The following LSAMP variants were observed in gnomAD, a reference collection of about 807,000 sequenced individuals.
The protein encoded by LSAMP is limbic system associated membrane protein.
In LSAMP, 7 loss-of-function variants were observed where a neutral mutation model predicts 38.6. The ratio of observed to expected loss-of-function variants is 0.18; its 90% CI spans 0.10 to 0.34. LSAMP has a LOEUF of 0.34. LSAMP is among the 10% of genes least tolerant of loss of function. LSAMP has a pLI of 1.00. For missense variants in LSAMP, 313 were observed against 420.0 expected (o/e 0.75, Z 2.23); for synonymous variants, 154 against 166.8 (o/e 0.92, Z 0.59).
chr3:116,229,429 A>C (rs1178837938), intron 1 of LSAMP, among the ~76,000 whole-genome samples: 1 of 152,170 alleles, frequency 6.6e-6, no homozygotes, highest in Admixed American at 6.5e-5. Context: ...GAATAGATAC[A>C]GGCAATTGCC....
chr3:115,859,335 G>C (rs932698629), intron 3 of LSAMP, among the ~76,000 whole-genome samples: 1 of 152,086 alleles, frequency 6.6e-6, no homozygotes, highest in Non-Finnish European at 1.5e-5. Flanking sequence ...GGAAGAACAA[G>C]GTATTGAAGG....
intron 1 of LSAMP, among the ~76,000 whole-genome samples, chr3:116,121,481 C>T (rs1708874642): frequency 6.6e-6 from 1 of 152,166 alleles, no homozygotes. Flanking sequence ...AATTAAGATA[C>T]TGGCAATGTT....
intron 1 of LSAMP, among the ~76,000 whole-genome samples, chr3:116,431,568 T>A (rs1172446167): frequency 6.6e-6 from 1 of 152,098 alleles, no homozygotes; most frequent in Admixed American, 6.5e-5. Flanking sequence ...CTAATGTTAG[T>A]AATAGTGTTT....
intron 1 of LSAMP, among the ~76,000 whole-genome samples, chr3:116,371,092 T>G (rs1188915613): frequency 6.6e-6 from 1 of 152,182 alleles, no homozygotes; most frequent in African/African-American, 2.4e-5. Context: ...AACAGCCCAG[T>G]AACTGATGGC....
intron 3 of LSAMP, among the ~76,000 whole-genome samples, chr3:115,965,274 T>C (rs1440469197): frequency 6.6e-6 from 1 of 152,014 alleles, no homozygotes; most frequent in African/African-American, 2.4e-5. Context: ...AGATAAGTGG[T>C]AAACATTTAA....
intron 3 of LSAMP, among the ~76,000 whole-genome samples, chr3:115,857,163 C>T (rs1299775670): frequency 6.6e-6 from 1 of 152,244 alleles, no homozygotes; most frequent in East Asian, 1.9e-4. Flanking sequence ...CCTGTGGACA[C>T]AGGCACGATA....
chr3:115,992,485 A>C (rs1390742505), intron 3 of LSAMP, among the ~76,000 whole-genome samples: 1 of 152,076 alleles, frequency 6.6e-6, no homozygotes, highest in African/African-American at 2.4e-5. Context: ...CTCTTCTATT[A>C]TCGGGGTTAA....
At chr3:116,146,730 T>G (rs1318034259) in intron 1 of LSAMP, among the ~76,000 whole-genome samples, 4 of 151,872 alleles carry the variant, frequency 2.6e-5, no homozygotes, top group Non-Finnish European at 4.4e-5. Flanking sequence ...ATCAGATAAC[T>G]AAAGGATTGT....
chr3:116,050,552 C>T (rs1941378108), intron 2 of LSAMP, among the ~76,000 whole-genome samples: 1 of 150,960 alleles, frequency 6.6e-6, no homozygotes, highest in Admixed American at 6.6e-5. Flanking sequence ...AAAGTATCCA[C>T]TAAGTCACAT....
Position 115,804,186 on chromosome 3 carries a change from G to C in LSAMP, c.*6131C>G, listed in dbSNP as rs1379172603. On this transcript the variant is annotated 3_prime_UTR_variant, in exon 7 of 7. Coordinates refer to ENST00000490035, the MANE Select transcript of LSAMP (RefSeq NM_002338.5). The stretch of plus-strand genomic sequence containing the variant: ...GGTTTAGAAATGAAGACGGTAGAAT[G>C]ATAGTTCTGAGAAGTGATGAGAATA... 1 of 152,188 alleles carries C rather than the reference G, an allele frequency of 6.6e-6. No homozygotes were observed. The highest frequency in any genetic ancestry group is 6.5e-5 in the Admixed American group (1 of 15,280). The allele number at this position is 152,188 out of a possible 1,614,324, so 9.4% of individuals were successfully genotyped here. A position where few individuals can be genotyped will look rare whatever the true frequency, so the allele number is the denominator to read the frequency against.
chr3:116,444,054 G>C (rs530246555), intron 1 of LSAMP, among the ~76,000 whole-genome samples: 43 of 152,218 alleles, frequency 2.8e-4, no homozygotes, highest in African/African-American at 9.6e-4. Flanking sequence ...TTTAGAGTTT[G>C]CCAGAGCTGC....
At chr3:115,851,819 T>C (rs540669985) in intron 4 of LSAMP, among the ~76,000 whole-genome samples, 33 of 152,268 alleles carry the variant, frequency 2.2e-4, no homozygotes, top group Non-Finnish European at 3.5e-4. Flanking sequence ...GTGACACACA[T>C]CATATAGATC....
At position 116,391,283 on chromosome 3, in the gene LSAMP, C is replaced by A. The variant is rs768094823; in HGVS notation, c.155+53594G>T. Among the ~76,000 whole-genome samples, 10 of 151,764 alleles carry A rather than the reference C, an allele frequency of 6.6e-5. 2 individuals are homozygous for A. The South Asian group carries it at 1.2e-3, about 19-fold the overall frequency. On this transcript the variant is annotated intron_variant, in intron 1 of 6. Coordinates refer to ENST00000490035, the MANE Select transcript of LSAMP (RefSeq NM_002338.5). ...GGGAGCAGCAGTGGCGGTGGTGGGA[C>A]CCCTGTGCCCCGCCCCCCCCGTGCC... is the stretch of plus-strand genomic sequence containing the variant.
In LSAMP at chr3:116,194,551, C is replaced by T. The variant is rs540010914; in HGVS notation, c.156-107995G>A. Among the ~76,000 whole-genome samples, 8 of 152,260 alleles carry T rather than the reference C, an allele frequency of 5.3e-5. No homozygotes were observed. The South Asian group carries it at 1.4e-3, about 28-fold the overall frequency. ...CTGGGACTGCAGGAGCCCGCCACCACGCCCAGCTAATTTTTTCGTGTTTTT... is the reference window on the plus strand; with the variant it reads ...CTGGGACTGCAGGAGCCCGCCACCATGCCCAGCTAATTTTTTCGTGTTTTT... On this transcript the variant is annotated intron_variant, in intron 1 of 6. Coordinates refer to ENST00000490035, the MANE Select transcript of LSAMP (RefSeq NM_002338.5).
rs570360395 is a variant in LSAMP at position 115,922,325 on chromosome 3, T to C, written c.515-69708A>G. Reference sequence around the variant, plus strand: ...TTCAAATAACCTGTCTTTGAGTTCATGGATTCTTTCTTCTGCCTGGTCAAA... The same window carrying C: ...TTCAAATAACCTGTCTTTGAGTTCACGGATTCTTTCTTCTGCCTGGTCAAA... On this transcript the variant is annotated intron_variant, in intron 3 of 6. Transcript: ENST00000490035. Among the ~76,000 whole-genome samples the C allele has an allele frequency of 2.6e-5, 4 of 152,262 alleles. No individual in the cohort carries two copies. The South Asian group carries it at 6.2e-4, about 24-fold the overall frequency.
At chr3:116,233,684 A>AT (rs138122781) in intron 1 of LSAMP, among the ~76,000 whole-genome samples, 98 of 148,284 alleles carry the variant, frequency 6.6e-4, no homozygotes, top group East Asian at 6.5e-3. Flanking sequence ...ATGAGATTAT[A>AT]TTTTTTTTTT....
At chr3:115,967,536 T>C (rs1241621517) in intron 3 of LSAMP, among the ~76,000 whole-genome samples, 3 of 152,214 alleles carry the variant, frequency 2.0e-5, no homozygotes, top group Non-Finnish European at 4.4e-5. Flanking sequence ...ATTTATCTTT[T>C]CAGCAGCACC....
chr3:116,292,204 C>T (rs116718285), intron 1 of LSAMP, among the ~76,000 whole-genome samples: 144 of 152,250 alleles, frequency 9.5e-4, no homozygotes, highest in African/African-American at 3.3e-3. Context: ...AATAATATCA[C>T]ACTGACAAGG....
intron 1 of LSAMP, among the ~76,000 whole-genome samples, chr3:116,414,032 G>A (rs2049015861): frequency 1.3e-5 from 2 of 152,060 alleles, no homozygotes; most frequent in South Asian, 4.1e-4. Flanking sequence ...AGGCAGGAAA[G>A]GCGGCTGGAT....
Sources: gnomAD v4.1 joint callset for allele counts (sites outside exome capture counted in the v4.1 genomes callset) on GRCh38, gnomAD v4.1.1 for gene constraint, MANE v1.5 for transcripts, NCBI Gene and HGNC (gene_info 2026-07-23, HGNC 2026-07-21) for gene names.